NIM1K: variants seen among roughly 807,000 people sequenced by gnomAD.
The protein encoded by NIM1K is NIM1 serine/threonine protein kinase, also known as serine/threonine-protein kinase NIM1.
In NIM1K, 35 loss-of-function variants were observed where a neutral mutation model predicts 37.1. The ratio of observed to expected loss-of-function variants is 0.94; its 90% CI spans 0.72 to 1.25. The LOEUF is 1.25. Ranked by LOEUF, NIM1K falls within the 50% of genes most tolerant of loss-of-function variation. NIM1K has a pLI of 0.00. For synonymous variants in NIM1K, 234 were observed against 206.6 expected (o/e 1.13, Z -1.14); for missense variants, 564 against 548.0 (o/e 1.03, Z -0.29).
At chr5:43,237,876 T>G (rs1752643469) in intron 1 of NIM1K, among the ~76,000 whole-genome samples, 1 of 152,126 alleles carries the variant, frequency 6.6e-6, no homozygotes, top group Non-Finnish European at 1.5e-5. Context: ...TGCTGGCAAT[T>G]CAGGTAAAAC....
intron 1 of NIM1K, among the ~76,000 whole-genome samples, chr5:43,229,515 C>T (rs976300475): frequency 1.3e-5 from 2 of 151,988 alleles, no homozygotes; most frequent in African/African-American, 2.4e-5. Flanking sequence ...TTATATCTAC[C>T]TATCTAAACC....
At chr5:43,274,356 G>A (rs572187028) in intron 2 of NIM1K, among the ~76,000 whole-genome samples, 1 of 152,166 alleles carries the variant, frequency 6.6e-6, no homozygotes, top group South Asian at 2.1e-4. Context: ...GGGAGGATGG[G>A]GCAGCAGAGT....
At chr5:43,216,502 A>T (rs1440042062) in intron 1 of NIM1K, among the ~76,000 whole-genome samples, 1 of 152,246 alleles carries the variant, frequency 6.6e-6, no homozygotes, top group Non-Finnish European at 1.5e-5. Flanking sequence ...TTGAGTAAAA[A>T]GATACAGAAA....
At chr5:43,223,354 G>GT (rs1752408531) in intron 1 of NIM1K, among the ~76,000 whole-genome samples, 1 of 152,058 alleles carries the variant, frequency 6.6e-6, no homozygotes, top group African/African-American at 2.4e-5. Context: ...TAAAATTCTT[G>GT]TAAGGATTAA....
At chr5:43,231,944 G>A (rs141171330) in intron 1 of NIM1K, 13 of 946,702 alleles carry the variant, frequency 1.4e-5, no homozygotes, top group Middle Eastern at 2.3e-4. Flanking sequence ...TCTCACCCAC[G>A]TACCAGTGAA....
intron 1 of NIM1K, among the ~76,000 whole-genome samples, chr5:43,244,773 T>G (rs1447295878): frequency 6.6e-6 from 1 of 152,240 alleles, no homozygotes; most frequent in Non-Finnish European, 1.5e-5. Context: ...ATCATATTAT[T>G]TTTAAAATTT....
intron 1 of NIM1K, among the ~76,000 whole-genome samples, chr5:43,235,758 G>T (rs1364677369): frequency 6.6e-6 from 1 of 152,188 alleles, no homozygotes; most frequent in East Asian, 1.9e-4. Flanking sequence ...AGACTGTAAG[G>T]TACTAACGCA....
chr5:43,203,079 C>T (rs946823946), intron 1 of NIM1K, among the ~76,000 whole-genome samples: 15 of 152,058 alleles, frequency 9.9e-5, no homozygotes, highest in African/African-American at 3.4e-4. Context: ...TGCTCCTAAC[C>T]GCCTTCCACC....
chr5:43,211,242 G>A (rs778910122), intron 1 of NIM1K, among the ~76,000 whole-genome samples: 1 of 152,118 alleles, frequency 6.6e-6, no homozygotes, highest in Non-Finnish European at 1.5e-5. Context: ...GATTATGGGA[G>A]GGGGGTGGAA....
rs1273185211 is a variant in NIM1K at position 43,280,267 on chromosome 5, C to T, written c.849C>T (p.Ile283=). ...AETVAKLKKS[I]LEGTYSVPPH... ...CCGTGGCCAAACTAAAAAAGAGCAT[C>T]CTCGAGGGCACATACAGTGTACCGC... Residue 283 remains isoleucine (I), a synonymous_variant, in exon 4 of 4, where the codon ATC becomes ATT. Transcript: ENST00000326035. The T allele has an allele frequency of 5.6e-6, 9 of 1,614,042 alleles. No individual in the cohort carries two copies. Among genetic ancestry groups the T allele is most frequent in the Non-Finnish European group, 7.6e-6 (9 of 1,180,044 alleles).
intron 1 of NIM1K, chr5:43,207,483 A>C (rs1752134659): frequency 4.0e-6 from 3 of 743,244 alleles, no homozygotes; most frequent in Non-Finnish European, 7.6e-6. Flanking sequence ...TACACCAAAG[A>C]AGGGAGATAA....
At chr5:43,267,597 A>T (rs1000730257) in intron 2 of NIM1K, among the ~76,000 whole-genome samples, 1 of 152,166 alleles carries the variant, frequency 6.6e-6, no homozygotes, top group Non-Finnish European at 1.5e-5. Context: ...AGTGCTATAA[A>T]CTTTCCTCTT....
At chr5:43,231,974 C>A in intron 1 of NIM1K, 1 of 974,484 alleles carries the variant, frequency 1.0e-6, no homozygotes, top group Non-Finnish European at 1.6e-6. Context: ...TCTTGACATA[C>A]ATTCAAGTCA....
intron 1 of NIM1K, among the ~76,000 whole-genome samples, chr5:43,203,763 C>G (rs1158200759): frequency 6.6e-6 from 1 of 152,104 alleles, no homozygotes; most frequent in Admixed American, 6.5e-5. Flanking sequence ...CAGTGGCTCA[C>G]GTCTGTAATC....
chr5:43,270,752 A>T (rs1753243740), intron 2 of NIM1K, among the ~76,000 whole-genome samples: 1 of 152,202 alleles, frequency 6.6e-6, no homozygotes, highest in African/African-American at 2.4e-5. Context: ...AACCAGAGTC[A>T]TGGTTTAGCA....
At chr5:43,206,639 G>C (rs1752116944) in intron 1 of NIM1K, 1 of 672,018 alleles carries the variant, frequency 1.5e-6, no homozygotes, top group African/African-American at 1.8e-5. Flanking sequence ...CTCCCTGCCT[G>C]CTGCAGCCTG....
intron 1 of NIM1K, among the ~76,000 whole-genome samples, chr5:43,209,685 G>T (rs1254447832): frequency 6.6e-6 from 1 of 151,848 alleles, no homozygotes; most frequent in Non-Finnish European, 1.5e-5. Context: ...GTGGCGTGAT[G>T]TCAGCTCACT....
At chr5:43,241,469 A>G (rs2112257290) in intron 1 of NIM1K, among the ~76,000 whole-genome samples, 1 of 151,534 alleles carries the variant, frequency 6.6e-6, no homozygotes, top group Non-Finnish European at 1.5e-5. Flanking sequence ...CCTCCTGAGT[A>G]GCTGGGACTA....
chr5:43,232,132 CA>C, intron 1 of NIM1K: 1 of 1,022,616 alleles, frequency 9.8e-7, no homozygotes, highest in Non-Finnish European at 1.5e-6. Flanking sequence ...CAGGGGGCAC[CA>C]AACCACAAAT....
Sources: allele counts gnomAD v4.1 joint callset (sites outside exome capture counted in the v4.1 genomes callset), GRCh38; gene constraint gnomAD v4.1.1; transcripts MANE v1.5; gene names NCBI Gene and HGNC (gene_info 2026-07-23, HGNC 2026-07-21).